The following SMG7 variants were observed in gnomAD, a reference collection of about 807,000 sequenced individuals.
The protein encoded by SMG7 is nonsense-mediated mRNA decay factor SMG7.
Under a neutral mutation model 148.2 loss-of-function variants are expected in SMG7, and 34 were observed. The ratio of observed to expected loss-of-function variants is 0.23; its 90% CI spans 0.17 to 0.31. The LOEUF is 0.31. Among genes scored for constraint, SMG7 ranks in the 10% least tolerant of loss-of-function variants. The probability of loss-of-function intolerance (pLI) is 1.00; values close to 1 mark genes in which losing one functional copy is unlikely to be tolerated. For missense variants in SMG7, 1,114 were observed against 1,408.4 expected (o/e 0.79, Z 3.35); for synonymous variants, 492 against 515.1 (o/e 0.96, Z 0.61).
Position 183,472,585 on chromosome 1 carries a change from A to G in SMG7, c.-36A>G. 7.0e-7 allele frequency: 1 copy of G among 1,425,536 alleles called. No homozygotes were observed. The highest frequency in any genetic ancestry group is 9.3e-7 in the Non-Finnish European group (1 of 1,079,452). 88.3% of individuals were successfully genotyped at this position (1,425,536 alleles called of 1,614,324 possible). ...TCCGAGGAGCCTGAGAGACCCACGG[A>G]GGCTTCGCGGGAAGACGCGGCGGCG... On this transcript the variant is annotated 5_prime_UTR_variant, in exon 1 of 23. Coordinates refer to ENST00000688051, the MANE Select transcript of SMG7 (RefSeq NM_001375584.1).
At chr1:183,537,339 A>G in intron 11 of SMG7, 124 bp downstream of exon 11, 1 of 700,502 alleles carries the variant, frequency 1.4e-6, no homozygotes, top group East Asian at 2.6e-5. Context: ...CTCAGAAGTG[A>G]CTGTGAACTC....
chr1:183,547,709 T>C (rs571216630), intron 18 of SMG7, among the ~76,000 whole-genome samples: 1 of 152,366 alleles, frequency 6.6e-6, no homozygotes, highest in African/African-American at 2.4e-5. Flanking sequence ...GGCTCTTTTT[T>C]GTTTGGTTAA....
intron 10 of SMG7, 26 bp from the exon 11 acceptor site, chr1:183,537,119 G>A (rs759607758): frequency 6.4e-7 from 1 of 1,554,778 alleles, no homozygotes; most frequent in Non-Finnish European, 8.9e-7. Flanking sequence ...TAAAAATAAA[G>A]TCTGAACTCT....
rs7523913 is a variant in SMG7, at chr1:183,493,657, T to C, written c.30-19180T>C. On this transcript the variant is annotated intron_variant, in intron 1 of 22. Transcript: ENST00000688051. ...AGTGCAGTGGCGCAATCTCGGCTGA[T>C]TGCAACCTCTGCCGCCCATGTTCAA... Among the ~76,000 whole-genome samples, 597 of 151,946 alleles carry C rather than the reference T, an allele frequency of 3.9e-3. 4 individuals carry two copies. The highest frequency in any genetic ancestry group is 0.014 in the African/African-American group (578 of 41,456).
intron 1 of SMG7, among the ~76,000 whole-genome samples, chr1:183,493,554 A>C (rs1657599112): frequency 6.6e-6 from 1 of 152,082 alleles, no homozygotes; most frequent in African/African-American, 2.4e-5. Flanking sequence ...TTATAACCTT[A>C]GTGTTGGTCT....
At chr1:183,492,537 C>G (rs1657326132) in intron 1 of SMG7, among the ~76,000 whole-genome samples, 1 of 152,130 alleles carries the variant, frequency 6.6e-6, no homozygotes, top group Non-Finnish European at 1.5e-5. Flanking sequence ...TAGGTTTTTG[C>G]ATTTCCAGAT....
chr1:183,522,411 C>G (rs1359628785), intron 4 of SMG7, among the ~76,000 whole-genome samples: 1 of 152,206 alleles, frequency 6.6e-6, no homozygotes, highest in Non-Finnish European at 1.5e-5. Context: ...AGGGAGTCAT[C>G]AGCCCTGTTG....
At chr1:183,479,330 A>G (rs1047824546) in intron 1 of SMG7, among the ~76,000 whole-genome samples, 1 of 152,094 alleles carries the variant, frequency 6.6e-6, no homozygotes, top group African/African-American at 2.4e-5. Context: ...GCATTGTAAG[A>G]CGTTCAGCAG....
intron 1 of SMG7, among the ~76,000 whole-genome samples, chr1:183,487,363 A>G (rs1488697114): frequency 6.6e-6 from 1 of 152,200 alleles, no homozygotes; most frequent in South Asian, 2.1e-4. Context: ...TCACTTAGAA[A>G]GATCCTTGTA....
At chr1:183,493,463 A>G (rs1017010959) in intron 1 of SMG7, among the ~76,000 whole-genome samples, 4 of 152,210 alleles carry the variant, frequency 2.6e-5, no homozygotes, top group Admixed American at 6.5e-5. Flanking sequence ...TATCTTGGTG[A>G]ATGTGCCATG....
chr1:183,549,823 C>G lies in SMG7; in HGVS notation c.3033C>G (p.Ser1011Arg), dbSNP rs761116777. ...NEVYGKNLTS[S>R]SKAELSPSMA... ...TATATGGGAAAAACCTGACATCCAG[C>G]TCCAAAGCAGAACTCAGTCCCTCAA... The change falls in exon 20 of 23, where the codon AGC (serine) becomes AGG (arginine). Residue 1011 changes from serine to arginine, a missense_variant. Physicochemically the swap from Ser to Arg is moderately radical, Grantham distance 110. Transcript: ENST00000688051. The G allele has an allele frequency of 6.2e-7, 1 of 1,613,712 alleles. No individual in the cohort carries two copies. Among genetic ancestry groups the G allele is most frequent in the South Asian group, 1.1e-5 (1 of 91,082 alleles).
chr1:183,518,041 T>C (rs745595066), intron 4 of SMG7, among the ~76,000 whole-genome samples: 101 of 152,080 alleles, frequency 6.6e-4, no homozygotes, highest in Non-Finnish European at 1.3e-3. Flanking sequence ...TCAGCCTCCC[T>C]GACTGAAGTG....
chr1:183,536,998 T>C, intron 10 of SMG7, 147 bp from the exon 11 acceptor site: 1 of 573,796 alleles, frequency 1.7e-6, no homozygotes, highest in Non-Finnish European at 3.1e-6. Context: ...TGAAAGTACA[T>C]TTTTAAAAAT....
At position 183,545,124 on chromosome 1, in the gene SMG7, C is replaced by T. The variant is rs1669686225; in HGVS notation, c.2182C>T (p.Pro728Ser). The T allele has an allele frequency of 1.2e-6, 2 of 1,614,124 alleles. No individual in the cohort carries two copies. Among genetic ancestry groups the T allele is most frequent in the Non-Finnish European group, 1.7e-6 (2 of 1,180,010 alleles). ...YSQQRPSGPGPMNQGPQQSQP... is the reference protein window; with the variant it reads ...YSQQRPSGPGSMNQGPQQSQP... ...CCAGCAACGGCCCTCTGGACCAGGG[C>T]CAATGAACCAGGGACCTCAACAATC... The change falls in exon 16 of 23, where the codon CCA becomes TCA. Residue 728 changes from proline (P) to serine (S), a missense_variant. Around this residue, in one of 4 missense-constraint regions of SMG7, gnomAD observed 788 missense variants for 894.5 expected, o/e 0.88. Transcript: ENST00000688051.
chr1:183,552,565 G>A lies in SMG7; in HGVS notation c.*634G>A, dbSNP rs1459898738. On this transcript the variant is annotated 3_prime_UTR_variant, in exon 23 of 23. Coordinates refer to ENST00000688051, the MANE Select transcript of SMG7 (RefSeq NM_001375584.1). Reference sequence around the variant, plus strand: ...CAGTGGAAATGTTCCATAAGGGAGAGTTCAAGGCCTGTCAGAAGGCTCTGG... The same window carrying A: ...CAGTGGAAATGTTCCATAAGGGAGAATTCAAGGCCTGTCAGAAGGCTCTGG... 1 of 1,017,764 alleles carries A rather than the reference G, an allele frequency of 9.8e-7. No individual in the cohort carries two copies. Among genetic ancestry groups the A allele is most frequent in the Non-Finnish European group, 1.2e-6 (1 of 848,814 alleles). 63.0% of individuals were successfully genotyped at this position (1,017,764 alleles called of 1,614,324 possible). A position where few individuals can be genotyped will look rare whatever the true frequency, so the allele number is the denominator to read the frequency against.
chr1:183,521,474 A>C (rs1273557227), intron 4 of SMG7, among the ~76,000 whole-genome samples: 1 of 152,230 alleles, frequency 6.6e-6, no homozygotes, highest in Non-Finnish European at 1.5e-5. Flanking sequence ...GTGTTCCACA[A>C]ATCTTTCTTG....
chr1:183,541,113 G>A lies in SMG7; in HGVS notation c.1415+10G>A. On this transcript the variant is annotated intron_variant, in intron 13 of 22. Coordinates refer to ENST00000688051, the MANE Select transcript of SMG7 (RefSeq NM_001375584.1). ...CTGATAATCAGCCAAGGTAAGTCTG[G>A]AACTTCTGGTCTACCCCTTTTTAAC... 6.2e-7 allele frequency: 1 copy of A among 1,612,082 alleles called. No individual in the cohort carries two copies. The highest frequency in any genetic ancestry group is 1.1e-5 in the South Asian group (1 of 90,838).
chr1:183,480,822 C>T (rs538857341), intron 1 of SMG7, among the ~76,000 whole-genome samples: 1 of 152,262 alleles, frequency 6.6e-6, no homozygotes, highest in South Asian at 2.1e-4. Flanking sequence ...ACCTGCATTT[C>T]TTCCTGCAAG....
rs192765027 is a variant in SMG7, at chr1:183,552,608, A to G, written c.*677A>G. The G allele has an allele frequency of 4.7e-4, 485 of 1,034,636 alleles. 10 individuals carry two copies. The highest frequency in any genetic ancestry group is 6.7e-5 in the Non-Finnish European group (58 of 859,388). The allele number at this position is 1,034,636 out of a possible 1,614,324, so 64.1% of individuals were successfully genotyped here. On this transcript the variant is annotated 3_prime_UTR_variant, in exon 23 of 23. Coordinates refer to ENST00000688051, the MANE Select transcript of SMG7 (RefSeq NM_001375584.1). ...GGCTCTGGTAGGCCTTCCTCTGGCC[A>G]GGAGACTCCAGCAGGGAATGCCCTT...
Sources: allele counts gnomAD v4.1 joint callset (sites outside exome capture counted in the v4.1 genomes callset), GRCh38; gene constraint gnomAD v4.1.1; regional missense constraint gnomAD v4.1.1; transcripts MANE v1.5; gene names NCBI Gene and HGNC (gene_info 2026-07-23, HGNC 2026-07-21).